Variants in NBEA observed in about 807,000 individuals in gnomAD.
The protein encoded by NBEA is lysosomal-trafficking regulator 2.
NBEA carries 44 observed loss-of-function variants against 343.4 expected under a neutral mutation model. The observed-to-expected ratio is 0.13, with a 90% CI of 0.10 to 0.16. The LOEUF is 0.16. Among genes scored for constraint, NBEA ranks in the 10% least tolerant of loss-of-function variants. The probability of loss-of-function intolerance (pLI) is 1.00; values close to 1 mark genes in which losing one functional copy is unlikely to be tolerated. For synonymous variants in NBEA, 1,175 were observed against 1,238.7 expected (o/e 0.95, Z 1.08); for missense variants, 2,555 against 3,631.3 (o/e 0.70, Z 7.62).
chr13:35,400,112 A>G (rs2042927409), intron 38 of NBEA, among the ~76,000 whole-genome samples: 1 of 150,590 alleles, frequency 6.6e-6, no homozygotes, highest in Admixed American at 6.7e-5. Flanking sequence ...CTAAAATGTG[A>G]CAGAGACACA....
At chr13:35,541,728 GT>G (rs2078834843) in intron 41 of NBEA, among the ~76,000 whole-genome samples, 1 of 82,020 alleles carries the variant, frequency 1.2e-5, no homozygotes, top group South Asian at 4.4e-4. Flanking sequence ...CTGCATGGGT[GT>G]GTGTGTGTGT....
chr13:35,207,164 T>C (rs74048948), intron 31 of NBEA, among the ~76,000 whole-genome samples: 2,014 of 151,962 alleles, frequency 0.013, 37 homozygotes, highest in African/African-American at 0.046. Flanking sequence ...ATAATAATTA[T>C]TACAAATATA....
chr13:35,079,996 A>G (rs1266973830), intron 10 of NBEA, among the ~76,000 whole-genome samples: 1 of 152,110 alleles, frequency 6.6e-6, no homozygotes, highest in Non-Finnish European at 1.5e-5. Flanking sequence ...TAGTAGTAGT[A>G]GATTATTATA....
chr13:35,650,043 A>G (rs1003596782), intron 52 of NBEA, among the ~76,000 whole-genome samples, 196 bp downstream of exon 52: 1 of 152,234 alleles, frequency 6.6e-6, no homozygotes, highest in East Asian at 1.9e-4. Context: ...AGTGCCTCAT[A>G]GGATGCTTGG....
intron 56 of NBEA, among the ~76,000 whole-genome samples, chr13:35,666,312 C>A (rs902305708): frequency 6.7e-6 from 1 of 149,916 alleles, no homozygotes; most frequent in Non-Finnish European, 1.5e-5. Context: ...ATTTTGGTAT[C>A]TAAGAATAAA....
At chr13:34,994,848 G>C (rs569734480) in intron 1 of NBEA, among the ~76,000 whole-genome samples, 40 of 152,192 alleles carry the variant, frequency 2.6e-4, no homozygotes, top group Admixed American at 3.9e-4. Context: ...TTTTTGGTTG[G>C]GTCTGCTATC....
chr13:35,080,864 T>C (rs1289789580), intron 10 of NBEA, among the ~76,000 whole-genome samples: 1 of 152,092 alleles, frequency 6.6e-6, no homozygotes, highest in Non-Finnish European at 1.5e-5. Flanking sequence ...GGAAATGAGA[T>C]ACAGGAGTTG....
At chr13:35,418,910 A>AT (rs556659491) in intron 38 of NBEA, among the ~76,000 whole-genome samples, 2 of 151,974 alleles carry the variant, frequency 1.3e-5, no homozygotes, top group East Asian at 1.9e-4. Flanking sequence ...TGAATTTAGG[A>AT]TTTTTTTCAG....
intron 44 of NBEA, among the ~76,000 whole-genome samples, chr13:35,563,945 T>C (rs968683383): frequency 3.3e-5 from 5 of 152,006 alleles, no homozygotes; most frequent in African/African-American, 1.2e-4. Context: ...ATAAATTACA[T>C]GTCATGGGTG....
At position 35,196,319 on chromosome 13, in the gene NBEA, T is replaced by C. The variant is rs150288367; in HGVS notation, c.5366+17T>C. 716 of 1,588,738 alleles carry C rather than the reference T, an allele frequency of 4.5e-4. 1 individual carries two copies. In the African/African-American group the frequency reaches 7.3e-3, roughly 16 times the overall value. On this transcript the variant is annotated intron_variant, in intron 31 of 58. Coordinates refer to ENST00000379939, the MANE Select transcript of NBEA (RefSeq NM_001385012.1). ...CTTTGACAGGTAGGTACTGAACTTA[T>C]TATTCACAGGGCTTTATACATAAAA...
intron 47 of NBEA, 82 bp downstream of exon 47, chr13:35,593,529 C>A: frequency 9.9e-7 from 1 of 1,006,464 alleles, no homozygotes. Flanking sequence ...ATGTATAAGA[C>A]ATTTTATATT....
chr13:35,320,883 G>A (rs1201429707), intron 36 of NBEA, among the ~76,000 whole-genome samples: 2 of 151,386 alleles, frequency 1.3e-5, no homozygotes, highest in South Asian at 2.1e-4. Context: ...TGATGTATTC[G>A]GCTATTGATA....
chr13:35,509,738 G>A (rs2077204712), intron 41 of NBEA, among the ~76,000 whole-genome samples: 2 of 152,160 alleles, frequency 1.3e-5, no homozygotes, highest in African/African-American at 4.8e-5. Flanking sequence ...GAGAGTGGTA[G>A]TGGAAGTCAA....
chr13:35,584,383 A>G (rs372538164), intron 46 of NBEA, among the ~76,000 whole-genome samples: 1 of 150,226 alleles, frequency 6.7e-6, no homozygotes, highest in East Asian at 2.0e-4. Context: ...CAGTAGCACT[A>G]TCATAGCTCA....
chr13:35,049,571 A>T (rs548717364), intron 5 of NBEA, among the ~76,000 whole-genome samples: 2 of 151,950 alleles, frequency 1.3e-5, no homozygotes, highest in Non-Finnish European at 3.0e-5. Context: ...GGATAAAATG[A>T]GACCAAGTTT....
chr13:35,420,221 T>G (rs2044185883), intron 38 of NBEA, among the ~76,000 whole-genome samples: 1 of 152,080 alleles, frequency 6.6e-6, no homozygotes, highest in Non-Finnish European at 1.5e-5. Flanking sequence ...TGGAGAACAT[T>G]CAGTCTTTCA....
chr13:35,363,823 C>G (rs185479576), intron 38 of NBEA, among the ~76,000 whole-genome samples: 14 of 152,022 alleles, frequency 9.2e-5, no homozygotes, highest in African/African-American at 3.4e-4. Context: ...ATGATTAATT[C>G]TAACTGTTCT....
chr13:35,422,646 T>C (rs1214440160), intron 38 of NBEA, among the ~76,000 whole-genome samples: 10 of 152,178 alleles, frequency 6.6e-5, no homozygotes, highest in Non-Finnish European at 1.2e-4. Flanking sequence ...TGATTTATAG[T>C]CCTTTGGGTA....
At chr13:35,109,178 A>C in intron 11 of NBEA, 112 bp from the exon 12 acceptor site, 1 of 899,806 alleles carries the variant, frequency 1.1e-6, no homozygotes, top group Non-Finnish European at 1.6e-6. Context: ...TGTTTATTTC[A>C]TATTTATTAG....
Sources: allele counts gnomAD v4.1 joint callset (sites outside exome capture counted in the v4.1 genomes callset), GRCh38; gene constraint gnomAD v4.1.1; transcripts MANE v1.5; gene names NCBI Gene and HGNC (gene_info 2026-07-23, HGNC 2026-07-21).